The following DIP2B variants were observed in gnomAD, a reference collection of about 807,000 sequenced individuals.
The protein encoded by DIP2B is disco-interacting protein 2 homolog B.
Under a neutral mutation model 198.0 loss-of-function variants are expected in DIP2B, and 76 were observed. The ratio of observed to expected loss-of-function variants is 0.38; its 90% CI spans 0.32 to 0.46. The LOEUF is 0.46. Among genes scored for constraint, DIP2B ranks in the 20% least tolerant of loss-of-function variants. The pLI, the probability that DIP2B is intolerant of heterozygous loss-of-function variation, is 0.99. For missense variants in DIP2B, 1,559 were observed against 1,978.4 expected, an observed-to-expected ratio of 0.79 and a Z score of 4.02; for synonymous variants, 701 against 739.1, an observed-to-expected ratio of 0.95 and a Z score of 0.84.
chr12:50,548,421 A>G (rs1273255179), intron 1 of DIP2B, among the ~76,000 whole-genome samples: 1 of 152,244 alleles, frequency 6.6e-6, no homozygotes, highest in African/African-American at 2.4e-5. Flanking sequence ...ATGTGTATAT[A>G]TACACAGACA....
intron 1 of DIP2B, among the ~76,000 whole-genome samples, chr12:50,611,759 T>C (rs185143737): frequency 2.8e-4 from 42 of 152,266 alleles, no homozygotes; most frequent in Admixed American, 2.7e-3. Flanking sequence ...CCAGCAATAA[T>C]TTATTTAGTC....
At chr12:50,585,194 T>C (rs1958759859) in intron 1 of DIP2B, among the ~76,000 whole-genome samples, 1 of 152,244 alleles carries the variant, frequency 6.6e-6, no homozygotes, top group Admixed American at 6.5e-5. Context: ...TCCACCTCAA[T>C]CTGTTCTTTG....
intron 1 of DIP2B, among the ~76,000 whole-genome samples, chr12:50,545,653 CT>C (rs1226217235): frequency 6.6e-6 from 1 of 150,386 alleles, no homozygotes; most frequent in South Asian, 2.1e-4. Flanking sequence ...ACACCTGTAA[CT>C]TTTATTTTTT....
rs888448854 is a variant in DIP2B at position 50,703,262 on chromosome 12, A to C, written c.2326-878A>C. Among the ~76,000 whole-genome samples, 39 of 152,106 alleles carry C rather than the reference A, an allele frequency of 2.6e-4. 1 individual carries two copies. The highest frequency in any genetic ancestry group is 9.4e-4 in the African/African-American group (39 of 41,468). ...AAAAGATTTTTTTTTTAATAAATTA[A>C]CAATAGGATATATTTTTCGGTACCA... On this transcript the variant is annotated intron_variant, in intron 19 of 37. Coordinates refer to ENST00000301180, the MANE Select transcript of DIP2B (RefSeq NM_173602.3).
chr12:50,589,653 A>G (rs972178114), intron 1 of DIP2B, among the ~76,000 whole-genome samples: 6 of 152,144 alleles, frequency 3.9e-5, no homozygotes, highest in African/African-American at 1.4e-4. Flanking sequence ...ATATCTGAAG[A>G]ACTGCAAGAA....
In DIP2B at chr12:50,723,236, G is replaced by C; in HGVS notation, c.3201G>C (p.Leu1067=). The part of the protein sequence containing the change: ...IELIAAFYGC[L]YAGCIPVTVR... ...TAATCGCCGCCTTCTATGGCTGCCT[G>C]TATGCGGGCTGTATACCTGTGACCG... Residue 1067 remains leucine, a synonymous_variant, in exon 27 of 38, where the codon CTG becomes CTC. Coordinates refer to ENST00000301180, the MANE Select transcript of DIP2B (RefSeq NM_173602.3). The C allele has an allele frequency of 6.2e-7, 1 of 1,614,138 alleles. No homozygotes were observed.
At chr12:50,652,346 T>TACACAC (rs34791599) in intron 3 of DIP2B, among the ~76,000 whole-genome samples, 168 of 140,446 alleles carry the variant, frequency 1.2e-3, no homozygotes, top group African/African-American at 4.3e-3. Flanking sequence ...ATATATATAA[T>TACACAC]ACACACACAC....
At chr12:50,656,004 G>A (rs1247821033) in intron 3 of DIP2B, among the ~76,000 whole-genome samples, 1 of 152,030 alleles carries the variant, frequency 6.6e-6, no homozygotes, top group Non-Finnish European at 1.5e-5. Context: ...TTTTTAAAAT[G>A]TACTTCCTGT....
chr12:50,730,618 C>A lies in DIP2B; in HGVS notation c.3642-751C>A, dbSNP rs530867790. On this transcript the variant is annotated intron_variant, in intron 30 of 37. Coordinates refer to ENST00000301180, the MANE Select transcript of DIP2B (RefSeq NM_173602.3). ...CCCAGGCTGGTCTTCACCTTCTGGGCTCCAGCGATCCTCCCATCATGGCCT... is the reference window on the plus strand; with the variant it reads ...CCCAGGCTGGTCTTCACCTTCTGGGATCCAGCGATCCTCCCATCATGGCCT... Among the ~76,000 whole-genome samples, 175 of 152,186 alleles carry A rather than the reference C, an allele frequency of 1.1e-3. 2 individuals are homozygous for A. The highest frequency in any genetic ancestry group is 1.1e-3 in the Non-Finnish European group (73 of 68,028).
chr12:50,713,505 A>G (rs1202247577), intron 22 of DIP2B, among the ~76,000 whole-genome samples: 1 of 152,216 alleles, frequency 6.6e-6, no homozygotes, highest in African/African-American at 2.4e-5. Context: ...AGCTGACTTT[A>G]AGCAAACATG....
intron 20 of DIP2B, among the ~76,000 whole-genome samples, chr12:50,705,689 CTG>C (rs1238711211): frequency 1.3e-5 from 2 of 152,238 alleles, no homozygotes; most frequent in Admixed American, 6.5e-5. Context: ...CTTACCAACA[CTG>C]TGGCTTTTCA....
In DIP2B at chr12:50,724,921, TGA is replaced by T; in HGVS notation, c.3400+39_3400+40del. The T allele has an allele frequency of 1.9e-6, 3 of 1,594,688 alleles. No individual in the cohort carries two copies. The South Asian group carries it at 3.3e-5, about 18-fold the overall frequency. On this transcript the variant is annotated intron_variant, in intron 28 of 37. Transcript: ENST00000301180. ...AGACTTCTTCTGAGGGTGGAGGGACTGAGAGCTCACAATACCTGAGATCTCCT... is the reference window on the plus strand; with the variant it reads ...AGACTTCTTCTGAGGGTGGAGGGACTGAGCTCACAATACCTGAGATCTCCT...
intron 1 of DIP2B, among the ~76,000 whole-genome samples, chr12:50,610,805 C>CT (rs58612726): frequency 0.25 from 34,779 of 138,392 alleles, 4,846 homozygotes; most frequent in East Asian, 0.39. Flanking sequence ...TGTGCCCAAC[C>CT]TTTTTTTTTT....
intron 1 of DIP2B, among the ~76,000 whole-genome samples, chr12:50,512,635 C>T (rs1343220839): frequency 1.3e-5 from 2 of 152,164 alleles, no homozygotes; most frequent in East Asian, 3.9e-4. Flanking sequence ...GGTTGAAGTT[C>T]TGTCTGTACC....
intron 1 of DIP2B, among the ~76,000 whole-genome samples, chr12:50,586,563 T>C (rs1555185805): frequency 6.6e-6 from 1 of 152,236 alleles, no homozygotes; most frequent in Non-Finnish European, 1.5e-5. Flanking sequence ...TGATTTTACG[T>C]AAAACAAACA....
rs1368350324 is a variant in DIP2B at position 50,744,882 on chromosome 12, A to C, written c.*43A>C. On this transcript the variant is annotated 3_prime_UTR_variant, in exon 38 of 38. Coordinates refer to ENST00000301180, the MANE Select transcript of DIP2B (RefSeq NM_173602.3). ...GCAGTGGGCCATTCTGAAGAATCACAAAGACAGAAGACCTCTGGCTAAGAG... is the reference window on the plus strand; with the variant it reads ...GCAGTGGGCCATTCTGAAGAATCACCAAGACAGAAGACCTCTGGCTAAGAG... 2 of 1,602,752 alleles carry C rather than the reference A, an allele frequency of 1.2e-6. No individual in the cohort carries two copies. The highest frequency in any genetic ancestry group is 1.7e-6 in the Non-Finnish European group (2 of 1,171,864).
chr12:50,717,896 C>CTTTTTTTTTTTTTT (rs60627093), intron 23 of DIP2B, among the ~76,000 whole-genome samples: 1 of 87,054 alleles, frequency 1.1e-5, no homozygotes, highest in South Asian at 4.1e-4. Context: ...CCATTATTCA[C>CTTTTTTTTTTTTTT]TTTTTTTTTT....
At chr12:50,712,178 A>G (rs1939627866) in intron 22 of DIP2B, among the ~76,000 whole-genome samples, 1 of 152,274 alleles carries the variant, frequency 6.6e-6, no homozygotes, top group Middle Eastern at 3.4e-3. Context: ...TCATACATAC[A>G]TACATACAGC....
chr12:50,727,555 CAT>C, intron 28 of DIP2B, 146 bp from the exon 29 acceptor site: 2 of 692,408 alleles, frequency 2.9e-6, no homozygotes, highest in South Asian at 3.4e-5. Context: ...CTAAGAATGA[CAT>C]ATGTGAGCTA....
Sources: allele counts gnomAD v4.1 joint callset (sites outside exome capture counted in the v4.1 genomes callset), GRCh38; gene constraint gnomAD v4.1.1; transcripts MANE v1.5; gene names NCBI Gene and HGNC (gene_info 2026-07-23, HGNC 2026-07-21).